The following ZNF292 variants were observed in gnomAD, a reference collection of about 807,000 sequenced individuals.
ZNF292 encodes the protein 16 zinc-finger domain protein.
Under a neutral mutation model 217.9 loss-of-function variants are expected in ZNF292, and 26 were observed. That is an observed-to-expected ratio of 0.12 (90% CI 0.09 to 0.17). The LOEUF (loss-of-function observed/expected upper bound fraction) is 0.17, where lower values mean the gene tolerates loss of function less well. ZNF292 is among the 10% of genes least tolerant of loss of function. The probability of loss-of-function intolerance (pLI) is 1.00; values close to 1 mark genes in which losing one functional copy is unlikely to be tolerated. For synonymous variants in ZNF292, 1,257 were observed against 1,124.1 expected, an observed-to-expected ratio of 1.12 and a Z score of -2.37; for missense variants, 2,904 against 3,175.2, an observed-to-expected ratio of 0.91 and a Z score of 2.05.
At chr6:87,208,371 G>A (rs561275346) in intron 1 of ZNF292, among the ~76,000 whole-genome samples, 1 of 151,668 alleles carries the variant, frequency 6.6e-6, no homozygotes, top group South Asian at 2.1e-4. Context: ...CTGACTTCCT[G>A]GAACTCCTGT....
At chr6:87,156,031 C>T (rs1770520123) in intron 1 of ZNF292, among the ~76,000 whole-genome samples, 1 of 152,252 alleles carries the variant, frequency 6.6e-6, no homozygotes, top group African/African-American at 2.4e-5. Flanking sequence ...CTGCGCGGTC[C>T]CCGCGGCTGA....
chr6:87,200,137 T>TA (rs1772064251), intron 1 of ZNF292, among the ~76,000 whole-genome samples: 1 of 152,244 alleles, frequency 6.6e-6, no homozygotes, highest in African/African-American at 2.4e-5. Context: ...TAAGGGGGTT[T>TA]ACTCTTAAGA....
rs1381829990 is a variant in ZNF292, at chr6:87,259,592, A to G, written c.5963A>G (p.Tyr1988Cys). 6.3e-7 allele frequency: 1 copy of G among 1,577,516 alleles called. No individual in the cohort carries two copies. Among genetic ancestry groups the G allele is most frequent in the South Asian group, 1.2e-5 (1 of 86,318 alleles). ...EMVKLKIKRP[Y>C]GRKSQSENVP... ...GTAAAGTTAAAAATTAAAAGGCCTT[A>G]TGGAAGAAAATCTCAGAGTGAAAAT... is the stretch of plus-strand genomic sequence containing the variant. The change falls in exon 8 of 8, where the codon TAT becomes TGT. Residue 1988 changes from tyrosine (Y) to cysteine (C), a missense_variant. Tyr to Cys is a radical substitution (Grantham distance 194, BLOSUM62 -2). This residue lies in a region of ZNF292 where 261 missense variants were observed against 272.8 expected (regional missense o/e 0.96). Transcript: ENST00000369577.
chr6:87,165,436 G>C (rs1053178290), intron 1 of ZNF292, among the ~76,000 whole-genome samples: 1 of 152,144 alleles, frequency 6.6e-6, no homozygotes, highest in Non-Finnish European at 1.5e-5. Flanking sequence ...ACTCACCCGG[G>C]AGTAAGATAT....
At chr6:87,215,875 A>T in intron 1 of ZNF292, 28 bp from the exon 2 acceptor site, 1 of 1,538,478 alleles carries the variant, frequency 6.5e-7, no homozygotes, top group Non-Finnish European at 8.7e-7. Flanking sequence ...TACATTTTGA[A>T]TACTTTTTAT....
chr6:87,250,758 G>T (rs1359684814), intron 7 of ZNF292, among the ~76,000 whole-genome samples: 2 of 152,190 alleles, frequency 1.3e-5, no homozygotes, highest in Non-Finnish European at 1.5e-5. Flanking sequence ...GATCTGCAAA[G>T]GAATTGGAGC....
At chr6:87,226,023 C>A (rs901953746) in intron 4 of ZNF292, among the ~76,000 whole-genome samples, 7 of 152,074 alleles carry the variant, frequency 4.6e-5, no homozygotes, top group Admixed American at 4.6e-4. Context: ...GGTCTTAAAC[C>A]TGTTTTTCCT....
intron 1 of ZNF292, among the ~76,000 whole-genome samples, chr6:87,181,657 G>A (rs925942541): frequency 6.6e-6 from 1 of 151,770 alleles, no homozygotes; most frequent in African/African-American, 2.4e-5. Flanking sequence ...AACTTTGCCT[G>A]TTCAAGTTAG....
chr6:87,195,386 T>G (rs1771926897), intron 1 of ZNF292, among the ~76,000 whole-genome samples: 1 of 152,164 alleles, frequency 6.6e-6, no homozygotes, highest in South Asian at 2.1e-4. Flanking sequence ...TGGGAAAAGT[T>G]TAATAAGAGG....
chr6:87,200,087 G>A (rs529352451), intron 1 of ZNF292, among the ~76,000 whole-genome samples: 1 of 152,286 alleles, frequency 6.6e-6, no homozygotes, highest in South Asian at 2.1e-4. Flanking sequence ...TACATCCTGG[G>A]CTTGTAGGTC....
intron 4 of ZNF292, among the ~76,000 whole-genome samples, chr6:87,230,918 A>G (rs62439539): frequency 8.3e-4 from 126 of 152,298 alleles, no homozygotes; most frequent in Non-Finnish European, 1.6e-3. Flanking sequence ...TAGAGAAAAC[A>G]TAAAAAGGTG....
At chr6:87,249,948 G>T (rs1223154648) in intron 7 of ZNF292, among the ~76,000 whole-genome samples, 1 of 147,548 alleles carries the variant, frequency 6.8e-6, no homozygotes, top group Non-Finnish European at 1.5e-5. Context: ...GACCTCAGAT[G>T]ATCTGCCCAC....
At chr6:87,234,173 C>A (rs764544442) in intron 5 of ZNF292, among the ~76,000 whole-genome samples, 34 of 152,124 alleles carry the variant, frequency 2.2e-4, no homozygotes, top group Non-Finnish European at 4.3e-4. Flanking sequence ...GAGGGACTTA[C>A]AATTTCAAAA....
At chr6:87,236,378 C>T (rs1163543032) in intron 5 of ZNF292, among the ~76,000 whole-genome samples, 1 of 148,698 alleles carries the variant, frequency 6.7e-6, no homozygotes, top group Non-Finnish European at 1.5e-5. Context: ...CTAGTTGATA[C>T]CCCATAGGTT....
At chr6:87,208,522 C>T (rs529784743) in intron 1 of ZNF292, among the ~76,000 whole-genome samples, 8 of 152,216 alleles carry the variant, frequency 5.3e-5, no homozygotes, top group African/African-American at 1.7e-4. Context: ...TGTTTTCTCA[C>T]ATATCGAAGA....
intron 4 of ZNF292, among the ~76,000 whole-genome samples, chr6:87,229,209 A>T (rs1356287051): frequency 6.6e-6 from 1 of 151,922 alleles, no homozygotes; most frequent in African/African-American, 2.4e-5. Context: ...TTCCTTTTTG[A>T]ACTGTTCATT....
At chr6:87,233,916 A>G (rs187566928) in intron 5 of ZNF292, among the ~76,000 whole-genome samples, 207 of 152,308 alleles carry the variant, frequency 1.4e-3, no homozygotes, top group Non-Finnish European at 1.5e-3. Flanking sequence ...TTTGTGACTT[A>G]TCTCTGGAAA....
At chr6:87,181,821 A>G (rs1444893537) in intron 1 of ZNF292, among the ~76,000 whole-genome samples, 1 of 151,988 alleles carries the variant, frequency 6.6e-6, no homozygotes. Context: ...GGCTGGGATT[A>G]CAGGCACGCA....
At chr6:87,165,009 C>A (rs963586672) in intron 1 of ZNF292, among the ~76,000 whole-genome samples, 5 of 151,906 alleles carry the variant, frequency 3.3e-5, no homozygotes, top group Non-Finnish European at 5.9e-5. Flanking sequence ...TTGATCCGCC[C>A]GCCTCAGCCT....
Sources: allele counts gnomAD v4.1 joint callset (sites outside exome capture counted in the v4.1 genomes callset), GRCh38; gene constraint gnomAD v4.1.1; regional missense constraint gnomAD v4.1.1; transcripts MANE v1.5; gene names NCBI Gene and HGNC (gene_info 2026-07-23, HGNC 2026-07-21).